Variants in RBM20 observed in about 807,000 individuals in gnomAD.
RBM20 encodes the protein RNA binding motif protein 20, also known as RNA-binding protein 20.
A neutral mutation model predicts 110.1 loss-of-function variants in RBM20; 51 were observed. The ratio of observed to expected loss-of-function variants is 0.46; its 90% confidence interval spans 0.37 to 0.59. RBM20 has a LOEUF of 0.59. Among genes scored for constraint, RBM20 ranks in the 20% least tolerant of loss-of-function variants. The probability of loss-of-function intolerance (pLI) is 0.00; values close to 1 mark genes in which losing one functional copy is unlikely to be tolerated. For synonymous variants in RBM20, 589 were observed against 618.2 expected, an observed-to-expected ratio of 0.95 and a Z score of 0.70; for missense variants, 1,512 against 1,574.9, an observed-to-expected ratio of 0.96 and a Z score of 0.68.
In RBM20 at chr10:110,799,849, A is replaced by C. The variant is rs1590687248; in HGVS notation, c.1731A>C (p.Lys577Asn). Reference sequence around the variant, plus strand: ...CCATGGTCCAGTATTATCAAGAAAAATCTGCTGTGATCAATGGTGAGAAGT... The same window carrying C: ...CCATGGTCCAGTATTATCAAGAAAACTCTGCTGTGATCAATGGTGAGAAGT... ...AQAMVQYYQE[K>N]SAVINGEKLL... The change falls in exon 7 of 14, where the codon AAA (lysine) becomes AAC (asparagine). Residue 577 changes from lysine (K) to asparagine (N), a missense_variant. Physicochemically the swap from Lys to Asn is moderately conservative, Grantham distance 94. Transcript: ENST00000369519. The C allele has an allele frequency of 6.4e-7, 1 of 1,552,032 alleles. No individual in the cohort carries two copies. The highest frequency in any genetic ancestry group is 2.4e-5 in the East Asian group (1 of 40,926).
intron 1 of RBM20, among the ~76,000 whole-genome samples, chr10:110,711,734 T>C (rs1156911793): frequency 1.3e-5 from 2 of 152,238 alleles, no homozygotes; most frequent in African/African-American, 2.4e-5. Flanking sequence ...AGAAGAATTA[T>C]TGATTTATTC....
intron 1 of RBM20, among the ~76,000 whole-genome samples, chr10:110,692,331 A>G (rs1474329166): frequency 6.6e-6 from 1 of 152,168 alleles, no homozygotes; most frequent in Non-Finnish European, 1.5e-5. Flanking sequence ...TTTGATAGGA[A>G]TTACATTCAA....
At chr10:110,692,035 C>G (rs1485245452) in intron 1 of RBM20, among the ~76,000 whole-genome samples, 1 of 152,066 alleles carries the variant, frequency 6.6e-6, no homozygotes, top group African/African-American at 2.4e-5. Context: ...CTGTGCTTTC[C>G]CCATTGAATG....
rs867071381 is a variant in RBM20, at chr10:110,745,765, G to A, written c.192-35036G>A. Among the ~76,000 whole-genome samples, 5 of 152,270 alleles carry A rather than the reference G, an allele frequency of 3.3e-5. No homozygotes were observed. The Middle Eastern group carries it at 0.01, about 311-fold the overall frequency. Reference sequence around the variant, plus strand: ...GAATGAATGCGTGATAACATGTGAGGAGGGCTGAAAATGCAAAGGAAAATC... The same window carrying A: ...GAATGAATGCGTGATAACATGTGAGAAGGGCTGAAAATGCAAAGGAAAATC... On this transcript the variant is annotated intron_variant, in intron 1 of 13. Coordinates refer to ENST00000369519, the MANE Select transcript of RBM20 (RefSeq NM_001134363.3).
rs1011634798 is a variant in RBM20 at position 110,666,291 on chromosome 10, T to C, written c.191+21646T>C. Among the ~76,000 whole-genome samples the C allele has an allele frequency of 2.6e-5, 4 of 152,224 alleles. No individual in the cohort carries two copies. The South Asian group carries it at 8.3e-4, about 31-fold the overall frequency. Reference sequence around the variant, plus strand: ...ATCAGCTCAGCCACTTGGCCAGTTCTGTTTTCAGATGTCCTTAAATTTAAT... The same window carrying C: ...ATCAGCTCAGCCACTTGGCCAGTTCCGTTTTCAGATGTCCTTAAATTTAAT... On this transcript the variant is annotated intron_variant, in intron 1 of 13. Coordinates refer to ENST00000369519, the MANE Select transcript of RBM20 (RefSeq NM_001134363.3).
At chr10:110,707,967 T>C (rs547883897) in intron 1 of RBM20, among the ~76,000 whole-genome samples, 1 of 152,356 alleles carries the variant, frequency 6.6e-6, no homozygotes, top group African/African-American at 2.4e-5. Flanking sequence ...TTATATGTTG[T>C]ACCTCTGTGT....
At chr10:110,685,256 T>C (rs1263318245) in intron 1 of RBM20, among the ~76,000 whole-genome samples, 1 of 152,202 alleles carries the variant, frequency 6.6e-6, no homozygotes, top group Non-Finnish European at 1.5e-5. Flanking sequence ...ATTCCATAAG[T>C]GCTCAGCGCG....
chr10:110,834,171 G>A (rs1301642440), intron 13 of RBM20, among the ~76,000 whole-genome samples: 8 of 152,184 alleles, frequency 5.3e-5, no homozygotes, highest in Admixed American at 5.2e-4. Context: ...CTTGGCTCCA[G>A]GCCCTGGAGC....
intron 1 of RBM20, among the ~76,000 whole-genome samples, chr10:110,756,053 A>T (rs1487919099): frequency 6.6e-6 from 1 of 152,230 alleles, no homozygotes; most frequent in African/African-American, 2.4e-5. Flanking sequence ...ATGACAGCGG[A>T]TTCCTGACTG....
Position 110,836,205 on chromosome 10 carries a change from T to A in RBM20, c.*227T>A. On this transcript the variant is annotated 3_prime_UTR_variant, in exon 14 of 14. Coordinates refer to ENST00000369519, the MANE Select transcript of RBM20 (RefSeq NM_001134363.3). ...AGCCCACTGAGGGTCACCAACTCTC[T>A]CCCTGCTGACTCTTGTTTCTCTCAA... 5.7e-6 allele frequency: 2 copies of A among 353,976 alleles called. No individual in the cohort carries two copies. Among genetic ancestry groups the A allele is most frequent in the Non-Finnish European group, 1.0e-5 (2 of 197,872 alleles). The allele number at this position is 353,976 out of a possible 1,614,324, so 21.9% of individuals were successfully genotyped here.
In RBM20 at chr10:110,760,037, C is replaced by T. The variant is rs533847037; in HGVS notation, c.192-20764C>T. Among the ~76,000 whole-genome samples the T allele has an allele frequency of 5.3e-5, 8 of 152,268 alleles. No homozygotes were observed. In the South Asian group the frequency reaches 8.3e-4, roughly 16 times the overall value. ...CAGGGGAAGGCTGTGAGCTTCAAGC[C>T]GTGGCATGTACCAAGAAGCTATCTT... On this transcript the variant is annotated intron_variant, in intron 1 of 13. Transcript: ENST00000369519.
intron 1 of RBM20, among the ~76,000 whole-genome samples, chr10:110,682,090 C>T (rs1862431900): frequency 6.6e-6 from 1 of 152,094 alleles, no homozygotes; most frequent in Non-Finnish European, 1.5e-5. Flanking sequence ...TGGGGTTTCA[C>T]CATGCTGGCA....
intron 9 of RBM20, among the ~76,000 whole-genome samples, chr10:110,817,280 T>C (rs1844852447): frequency 6.6e-6 from 1 of 152,122 alleles, no homozygotes; most frequent in Non-Finnish European, 1.5e-5. Context: ...CGCTGTCAAA[T>C]CTCCCTTTTC....
intron 2 of RBM20, 133 bp downstream of exon 2, chr10:110,782,017 G>C: frequency 9.0e-7 from 1 of 1,106,238 alleles, no homozygotes; most frequent in South Asian, 1.5e-5. Flanking sequence ...CAGTATTCTT[G>C]ACTAAAATCA....
At position 110,711,261 on chromosome 10, in the gene RBM20, C is replaced by T. The variant is rs112672037; in HGVS notation, c.191+66616C>T. Among the ~76,000 whole-genome samples the T allele has an allele frequency of 1.3e-4, 17 of 128,148 alleles. No individual in the cohort carries two copies. In the South Asian group the frequency reaches 1.6e-3, roughly 12 times the overall value. 84.1% of individuals were successfully genotyped at this position (128,148 alleles called of 152,430 possible). A position where few individuals can be genotyped will look rare whatever the true frequency, so the allele number is the denominator to read the frequency against. On this transcript the variant is annotated intron_variant, in intron 1 of 13. Coordinates refer to ENST00000369519, the MANE Select transcript of RBM20 (RefSeq NM_001134363.3). ...AGGAGAATTGCTTGAACCTGGGAGG[C>T]GGAGGCTGCAGTGAGCTGAGACTGT...
intron 1 of RBM20, among the ~76,000 whole-genome samples, chr10:110,764,548 C>T (rs935469459): frequency 4.6e-5 from 7 of 152,232 alleles, no homozygotes; most frequent in Non-Finnish European, 7.3e-5. Flanking sequence ...GAATGGCTCC[C>T]GGTGGCATGT....
At chr10:110,720,440 C>T (rs558358431) in intron 1 of RBM20, among the ~76,000 whole-genome samples, 15 of 152,324 alleles carry the variant, frequency 9.8e-5, no homozygotes, top group Admixed American at 2.0e-4. Flanking sequence ...AGTGCAACCG[C>T]GGGACTGGAA....
At chr10:110,756,066 G>C (rs1449482609) in intron 1 of RBM20, among the ~76,000 whole-genome samples, 2 of 152,200 alleles carry the variant, frequency 1.3e-5, no homozygotes, top group Non-Finnish European at 2.9e-5. Flanking sequence ...CCTGACTGTG[G>C]CCATGGCTCA....
At chr10:110,831,456 C>T (rs1411942587) in intron 13 of RBM20, 1 of 340,076 alleles carries the variant, frequency 2.9e-6, no homozygotes, top group African/African-American at 2.1e-5. Context: ...TCCTGTGTTG[C>T]TCCTAGCACA....
Sources: gnomAD v4.1 joint callset for allele counts (sites outside exome capture counted in the v4.1 genomes callset) on GRCh38, gnomAD v4.1.1 for gene constraint, MANE v1.5 for transcripts, NCBI Gene and HGNC (gene_info 2026-07-23, HGNC 2026-07-21) for gene names.